WDR75: variants seen among roughly 807,000 people sequenced by gnomAD.
WDR75 encodes WD repeat-containing protein 75.
WDR75 carries 52 observed loss-of-function variants against 106.1 expected under a neutral mutation model. The observed-to-expected ratio is 0.49, with a 90% CI of 0.39 to 0.62. The LOEUF is 0.62. WDR75 is among the 20% of genes least tolerant of loss of function. WDR75 has a pLI of 0.00. For missense variants in WDR75, 905 were observed against 970.3 expected (o/e 0.93, Z 0.89); for synonymous variants, 333 against 335.5 (o/e 0.99, Z 0.08).
chr2:189,441,699 G>T (rs773977440), intron 1 of WDR75, 121 bp downstream of exon 1: 3 of 1,153,330 alleles, frequency 2.6e-6, no homozygotes, highest in Non-Finnish European at 3.8e-6. Flanking sequence ...GCTTTGGGTA[G>T]AGCACGCGCC....
intron 8 of WDR75, among the ~76,000 whole-genome samples, chr2:189,461,866 G>C (rs13392978): frequency 6.6e-6 from 1 of 152,046 alleles, no homozygotes. Context: ...ATGTTATCCA[G>C]GTACTCTTGA....
chr2:189,449,525 TAA>T, intron 2 of WDR75: 1 of 1,088,400 alleles, frequency 9.2e-7, no homozygotes, highest in Non-Finnish European at 1.1e-6. Context: ...GTCCATATAC[TAA>T]GTTTTATAGC....
In WDR75 at chr2:189,459,359, A is replaced by C. The variant is rs1000472594; in HGVS notation, c.713A>C (p.Lys238Thr). The C allele has an allele frequency of 6.2e-6, 10 of 1,610,988 alleles. No individual in the cohort carries two copies. Among genetic ancestry groups the C allele is most frequent in the Non-Finnish European group, 8.5e-6 (10 of 1,179,386 alleles). ...RLWRNFYDDK[K>T]YTYTCLHWHH... is the part of the protein sequence containing the mutation. ...AGGAGGAATTTTTATGATGATAAGA[A>C]ATATACGTACACATGTTTACATTGG... The change falls in exon 8 of 21, where the codon AAA (lysine) becomes ACA (threonine). Residue 238 changes from lysine (K) to threonine (T), a missense_variant. By Grantham distance (78) the Lys-to-Thr change is moderately conservative. Transcript: ENST00000314761.
intron 19 of WDR75, 106 bp downstream of exon 19, chr2:189,474,438 A>C: frequency 1.5e-6 from 2 of 1,297,190 alleles, no homozygotes; most frequent in Non-Finnish European, 2.1e-6. Flanking sequence ...TACAACTTTA[A>C]TACCCAAACT....
At chr2:189,469,850 G>A (rs527274759) in intron 16 of WDR75, among the ~76,000 whole-genome samples, 1 of 152,194 alleles carries the variant, frequency 6.6e-6, no homozygotes, top group East Asian at 1.9e-4. Context: ...GGCCTCTGGA[G>A]CACGAATTCT....
chr2:189,449,390 G>A (rs1218773683), intron 2 of WDR75: 18 of 1,281,802 alleles, frequency 1.4e-5, no homozygotes, highest in Middle Eastern at 4.3e-4. Flanking sequence ...ACTTTTCTAC[G>A]GGATCCAAGT....
intron 1 of WDR75, among the ~76,000 whole-genome samples, chr2:189,442,113 C>T (rs924480622): frequency 1.3e-5 from 2 of 152,160 alleles, no homozygotes; most frequent in Admixed American, 1.3e-4. Flanking sequence ...AACCAAACCA[C>T]TCCCTGGCTT....
Position 189,470,206 on chromosome 2 carries a change from G to A in WDR75, c.1950G>A (p.Trp650Ter). 1 of 1,612,730 alleles carries A rather than the reference G, an allele frequency of 6.2e-7. No individual in the cohort carries two copies. The highest frequency in any genetic ancestry group is 8.5e-7 in the Non-Finnish European group (1 of 1,179,296). Reference sequence around the variant, plus strand: ...CCTTCACCTCAGAAGCTTACCAGTGGCTAAATAGATCCCAGTTTTACTTCC... The same window carrying A: ...CCTTCACCTCAGAAGCTTACCAGTGACTAAATAGATCCCAGTTTTACTTCC... ...PESFTSEAYQ[W>*]LNRSQFYFLT... is the part of the protein sequence containing the mutation. Residue 650 changes from tryptophan (W) to a stop codon, truncating the protein, a stop_gained, in exon 17 of 21, where the codon TGG becomes TGA. Transcript: ENST00000314761. LOFTEE classifies it high-confidence loss of function.
intron 2 of WDR75, chr2:189,449,175 C>A: frequency 8.6e-7 from 1 of 1,162,970 alleles, no homozygotes; most frequent in Non-Finnish European, 1.1e-6. Context: ...GGCAAATCTA[C>A]TAAAATTTTA....
intron 11 of WDR75, among the ~76,000 whole-genome samples, chr2:189,464,406 T>C (rs1686959952): frequency 6.6e-6 from 1 of 152,160 alleles, no homozygotes; most frequent in Admixed American, 6.6e-5. Context: ...ATGTCCCACT[T>C]TTCTTGTTCC....
intron 15 of WDR75, 137 bp downstream of exon 15, chr2:189,468,706 C>A: frequency 2.7e-6 from 2 of 745,100 alleles, no homozygotes; most frequent in Non-Finnish European, 4.3e-6. Context: ...ACATATGATG[C>A]CACCAAAATT....
rs1333436438 is a variant in WDR75 at position 189,470,799 on chromosome 2, C to T, written c.1990-20C>T. On this transcript the variant is annotated intron_variant, in intron 17 of 20. Transcript: ENST00000314761. ...GCACTCTACAGTTTGTCTTTTGCAT[C>T]ATTAATTCTCTCTTTTCAGAGTTTA... is the stretch of plus-strand genomic sequence containing the variant. The T allele has an allele frequency of 6.4e-7, 1 of 1,570,626 alleles. No individual in the cohort carries two copies. Among genetic ancestry groups the T allele is most frequent in the Non-Finnish European group, 8.6e-7 (1 of 1,159,200 alleles).
At chr2:189,455,685 T>C (rs1686720172) in intron 5 of WDR75, 2 of 304,222 alleles carry the variant, frequency 6.6e-6, no homozygotes, top group Admixed American at 9.7e-5. Context: ...CTATGTGTCT[T>C]TAGAAATTAT....
chr2:189,444,923 C>G (rs1477667466), intron 1 of WDR75, among the ~76,000 whole-genome samples: 1 of 152,128 alleles, frequency 6.6e-6, no homozygotes, highest in Non-Finnish European at 1.5e-5. Context: ...TTAAATCATA[C>G]ATCCTTCAGA....
At chr2:189,469,835 G>T (rs1240058357) in intron 16 of WDR75, among the ~76,000 whole-genome samples, 1 of 152,026 alleles carries the variant, frequency 6.6e-6, no homozygotes, top group Non-Finnish European at 1.5e-5. Flanking sequence ...TCTGCAGTGG[G>T]CCCTGGCCTC....
intron 13 of WDR75, 85 bp from the exon 14 acceptor site, chr2:189,467,383 C>G: frequency 7.1e-7 from 1 of 1,403,612 alleles, no homozygotes; most frequent in Non-Finnish European, 9.6e-7. Flanking sequence ...AGTGAACCCT[C>G]AGATAATGGG....
chr2:189,465,458 G>A (rs1289201463), intron 12 of WDR75, among the ~76,000 whole-genome samples: 1 of 152,034 alleles, frequency 6.6e-6, no homozygotes, highest in African/African-American at 2.4e-5. Flanking sequence ...ATCTCATAAT[G>A]AATAAAGAAA....
intron 2 of WDR75, chr2:189,449,341 A>C: frequency 7.7e-7 from 1 of 1,298,160 alleles, no homozygotes; most frequent in Non-Finnish European, 1.0e-6. Flanking sequence ...TTTTCTTTCC[A>C]AAATTAAATG....
chr2:189,473,406 C>T (rs939311883), intron 18 of WDR75, among the ~76,000 whole-genome samples: 1 of 152,042 alleles, frequency 6.6e-6, no homozygotes, highest in African/African-American at 2.4e-5. Flanking sequence ...CTTGTTATTC[C>T]AAGGTTAGCT....
Sources: gnomAD v4.1 joint callset for allele counts (sites outside exome capture counted in the v4.1 genomes callset) on GRCh38, gnomAD v4.1.1 for gene constraint, MANE v1.5 for transcripts, NCBI Gene and HGNC (gene_info 2026-07-23, HGNC 2026-07-21) for gene names.